LARGE1: variants seen among roughly 807,000 people sequenced by gnomAD.
LARGE1 encodes the protein LARGE xylosyl- and glucuronyltransferase 1, also known as xylosyl- and glucuronyltransferase LARGE1.
Under a neutral mutation model 87.6 loss-of-function variants are expected in LARGE1, and 43 were observed. The observed-to-expected ratio is 0.49, with a 90% CI of 0.38 to 0.63. The LOEUF (loss-of-function observed/expected upper bound fraction) is 0.63. LARGE1 is among the 30% of genes least tolerant of loss of function. LARGE1 has a pLI of 0.00. For missense variants in LARGE1, 802 were observed against 1,000.2 expected, an observed-to-expected ratio of 0.80 and a Z score of 2.67; for synonymous variants, 434 against 394.6, an observed-to-expected ratio of 1.10 and a Z score of -1.18.
At chr22:33,747,902 G>C (rs879111428) in intron 2 of LARGE1, 1 of 152,144 alleles carries the variant, frequency 6.6e-6, no homozygotes, top group Admixed American at 6.5e-5. Context: ...AGAGGGCCAA[G>C]CAAATGAATC....
At chr22:33,148,507 G>C in the LARGE1 span, among the ~76,000 whole-genome samples, 1 of 152,024 alleles carries the variant, frequency 6.6e-6, no homozygotes, top group African/African-American at 2.4e-5. Flanking sequence ...TTCAAGTTTG[G>C]GGCTATAACA....
intron 2 of LARGE1, among the ~76,000 whole-genome samples, chr22:33,742,098 C>G (rs1323046206): frequency 1.3e-5 from 2 of 152,148 alleles, no homozygotes; most frequent in Admixed American, 1.3e-4. Flanking sequence ...GACAATACAG[C>G]CTGGTAAGCA....
Position 33,361,211 on chromosome 22 carries a change from AAAT to A in LARGE1, c.1131+20705_1131+20707del, listed in dbSNP as rs542542359. Among the ~76,000 whole-genome samples the A allele has an allele frequency of 4.0e-5, 6 of 149,138 alleles. 1 individual carries two copies. The highest frequency in any genetic ancestry group is 1.3e-4 in the Admixed American group (2 of 15,046). On this transcript the variant is annotated intron_variant, in intron 9 of 14. Transcript: ENST00000397394. The stretch of plus-strand genomic sequence containing the variant: ...GGTGACAGAGCAAGACTGTTTAAAA[AAAT>A]AATAATAATAAATAAATAAATAAAA...
intron 11 of LARGE1, among the ~76,000 whole-genome samples, chr22:33,176,212 C>T (rs142223421): frequency 1.3e-3 from 202 of 152,246 alleles, no homozygotes; most frequent in African/African-American, 4.5e-3. Flanking sequence ...TAGATGAAAA[C>T]CTAGGCAATA....
intron 3 of LARGE1, among the ~76,000 whole-genome samples, chr22:33,645,177 C>A (rs1162744605): frequency 1.3e-5 from 2 of 151,988 alleles, no homozygotes; most frequent in Non-Finnish European, 2.9e-5. Flanking sequence ...GCTACAGTAA[C>A]CAAAGCAGCA....
At chr22:33,188,083 A>G (rs894612763) in intron 11 of LARGE1, among the ~76,000 whole-genome samples, 1 of 151,914 alleles carries the variant, frequency 6.6e-6, no homozygotes, top group Non-Finnish European at 1.5e-5. Context: ...ATCATATTGT[A>G]TATAATAAAC....
chr22:33,241,724 C>A (rs1480384786), intron 11 of LARGE1, among the ~76,000 whole-genome samples: 1 of 151,906 alleles, frequency 6.6e-6, no homozygotes, highest in African/African-American at 2.4e-5. Flanking sequence ...GGAATCCTGT[C>A]ATTTAACACA....
chr22:33,407,098 T>C (rs558768405), intron 7 of LARGE1, among the ~76,000 whole-genome samples: 3 of 152,286 alleles, frequency 2.0e-5, no homozygotes, highest in South Asian at 4.1e-4. Flanking sequence ...TGGCTGAAAA[T>C]GCATATAATA....
chr22:33,396,477 G>GAGAGAGAGAGAC (rs1255702304), intron 7 of LARGE1, among the ~76,000 whole-genome samples: 7 of 147,322 alleles, frequency 4.8e-5, no homozygotes, highest in African/African-American at 1.8e-4. Flanking sequence ...GAGAGAGAGA[G>GAGAGAGAGAGAC]AGAGAGAGAG....
At chr22:33,898,626 T>G (rs1221447494) in intron 1 of LARGE1, among the ~76,000 whole-genome samples, 2 of 152,194 alleles carry the variant, frequency 1.3e-5, no homozygotes, top group Non-Finnish European at 2.9e-5. Flanking sequence ...TGGTGGCACA[T>G]GCCTGTAATC....
chr22:33,222,871 A>G (rs1785943807), intron 11 of LARGE1, among the ~76,000 whole-genome samples: 2 of 152,148 alleles, frequency 1.3e-5, no homozygotes, highest in Admixed American at 6.5e-5. Flanking sequence ...CCTCCATTTG[A>G]GTAATGTTCC....
chr22:33,412,853 G>A (rs759712123), intron 7 of LARGE1, among the ~76,000 whole-genome samples: 8 of 152,138 alleles, frequency 5.3e-5, no homozygotes, highest in Admixed American at 1.3e-4. Context: ...TAGAGACAGC[G>A]TTTCACCATG....
At chr22:33,173,384 G>A (rs1922684304) in intron 11 of LARGE1, among the ~76,000 whole-genome samples, 1 of 152,146 alleles carries the variant, frequency 6.6e-6, no homozygotes, top group Non-Finnish European at 1.5e-5. Flanking sequence ...AACGGTACCA[G>A]CCACTGCAAA....
At position 33,682,447 on chromosome 22, in the gene LARGE1, T is replaced by C. The variant is rs1236275346; in HGVS notation, c.107-31779A>G. Among the ~76,000 whole-genome samples the C allele has an allele frequency of 2.6e-5, 4 of 152,152 alleles. No individual in the cohort carries two copies. The East Asian group carries it at 7.7e-4, about 29-fold the overall frequency. Reference sequence around the variant, plus strand: ...CCAGGCTGTTCCCTGTCACCCAGGCTTCTGCCATTGCCCCCAAATGGGAAA... The same window carrying C: ...CCAGGCTGTTCCCTGTCACCCAGGCCTCTGCCATTGCCCCCAAATGGGAAA... On this transcript the variant is annotated intron_variant, in intron 2 of 14. Coordinates refer to ENST00000397394, the MANE Select transcript of LARGE1 (RefSeq NM_133642.5).
chr22:33,140,513 G>T, the LARGE1 span, among the ~76,000 whole-genome samples: 2 of 152,184 alleles, frequency 1.3e-5, no homozygotes, highest in Non-Finnish European at 1.5e-5. Context: ...ACTGGGAGAG[G>T]CAGACCTACC....
At chr22:33,519,572 C>A (rs943106772) in intron 6 of LARGE1, among the ~76,000 whole-genome samples, 1 of 152,154 alleles carries the variant, frequency 6.6e-6, no homozygotes, top group Non-Finnish European at 1.5e-5. Flanking sequence ...CCCACCCACA[C>A]TGGGAGTTTA....
At chr22:33,376,918 T>C (rs538808782) in intron 9 of LARGE1, among the ~76,000 whole-genome samples, 8 of 152,194 alleles carry the variant, frequency 5.3e-5, no homozygotes, top group Non-Finnish European at 1.2e-4. Context: ...AACTTCCTTA[T>C]TGCTCAAATG....
At chr22:33,728,892 C>T (rs779281976) in intron 2 of LARGE1, among the ~76,000 whole-genome samples, 7 of 152,178 alleles carry the variant, frequency 4.6e-5, no homozygotes, top group African/African-American at 9.7e-5. Context: ...GCTTTCTCTA[C>T]TTTGCCAAAG....
chr22:33,767,538 T>C (rs1324144429), intron 1 of LARGE1, among the ~76,000 whole-genome samples: 1 of 151,536 alleles, frequency 6.6e-6, no homozygotes. Context: ...CGTGTCCTAA[T>C]TGGGAATACA....
Sources: gnomAD v4.1 joint callset for allele counts (sites outside exome capture counted in the v4.1 genomes callset) on GRCh38, gnomAD v4.1.1 for gene constraint, MANE v1.5 for transcripts, NCBI Gene and HGNC (gene_info 2026-07-23, HGNC 2026-07-21) for gene names.